Variants in NKAIN3 observed in about 807,000 individuals in gnomAD.
NKAIN3 encodes the protein sodium/potassium-transporting ATPase subunit beta-1-interacting protein 3.
Under a neutral mutation model 30.2 loss-of-function variants are expected in NKAIN3, and 25 were observed. The observed-to-expected ratio is 0.83, with a 90% confidence interval of 0.60 to 1.16. The LOEUF is 1.16. NKAIN3 is among the 50% of genes most tolerant of loss of function. The probability of loss-of-function intolerance (pLI) is 0.00; values close to 1 mark genes in which losing one functional copy is unlikely to be tolerated. For missense variants in NKAIN3, 225 were observed against 254.1 expected (o/e 0.89, Z 0.78); for synonymous variants, 91 against 89.6 (o/e 1.02, Z -0.09).
At chr8:62,728,701 A>G (rs907474239) in intron 3 of NKAIN3, among the ~76,000 whole-genome samples, 5 of 150,528 alleles carry the variant, frequency 3.3e-5, no homozygotes, top group Non-Finnish European at 5.9e-5. Context: ...AAAACAAAAA[A>G]TACTCCTGGC....
intron 1 of NKAIN3, among the ~76,000 whole-genome samples, chr8:62,369,973 T>C (rs768695683): frequency 1.3e-5 from 2 of 152,076 alleles, no homozygotes; most frequent in African/African-American, 2.4e-5. Context: ...GTACAGTAGT[T>C]CCATGGCAAC....
intron 1 of NKAIN3, among the ~76,000 whole-genome samples, chr8:62,379,723 A>G (rs1480440483): frequency 1.3e-5 from 2 of 152,120 alleles, no homozygotes; most frequent in African/African-American, 4.8e-5. Context: ...AATCAATTCA[A>G]CCTGTTTTCT....
At chr8:62,685,837 A>G (rs1182846402) in intron 3 of NKAIN3, among the ~76,000 whole-genome samples, 1 of 152,242 alleles carries the variant, frequency 6.6e-6, no homozygotes, top group Non-Finnish European at 1.5e-5. Flanking sequence ...GATAATTGGC[A>G]GATAATTTAG....
chr8:62,868,791 C>A (rs1456889570), intron 4 of NKAIN3, among the ~76,000 whole-genome samples: 1 of 152,158 alleles, frequency 6.6e-6, no homozygotes, highest in Non-Finnish European at 1.5e-5. Context: ...GGGCTGTCAT[C>A]GGAGGCCCTG....
chr8:62,810,638 G>GTTTTT (rs3032376), intron 4 of NKAIN3, among the ~76,000 whole-genome samples: 12 of 120,176 alleles, frequency 1.0e-4, no homozygotes, highest in African/African-American at 3.5e-4. Flanking sequence ...TAGGTAGAAA[G>GTTTTT]TTTTTTTTTT....
At chr8:62,423,405 A>G (rs1236882904) in intron 1 of NKAIN3, among the ~76,000 whole-genome samples, 1 of 149,996 alleles carries the variant, frequency 6.7e-6, no homozygotes, top group Admixed American at 6.7e-5. Flanking sequence ...GGTCATCTCT[A>G]TGTATATATA....
At chr8:62,807,191 C>T (rs1277834816) in intron 4 of NKAIN3, among the ~76,000 whole-genome samples, 1 of 152,168 alleles carries the variant, frequency 6.6e-6, no homozygotes, top group East Asian at 1.9e-4. Context: ...GAAAATACAA[C>T]ATATACCCTT....
At chr8:62,253,191 A>T (rs1408622252) in intron 1 of NKAIN3, among the ~76,000 whole-genome samples, 1 of 152,022 alleles carries the variant, frequency 6.6e-6, no homozygotes, top group Non-Finnish European at 1.5e-5. Context: ...AAAACTCAAA[A>T]CTCTCACCAG....
chr8:62,420,531 A>G (rs1270584590), intron 1 of NKAIN3, among the ~76,000 whole-genome samples: 1 of 152,158 alleles, frequency 6.6e-6, no homozygotes, highest in Admixed American at 6.6e-5. Flanking sequence ...GGCTGTAAGC[A>G]TATCAACAAA....
chr8:62,674,065 T>G (rs1470730335), intron 3 of NKAIN3, among the ~76,000 whole-genome samples: 1 of 152,196 alleles, frequency 6.6e-6, no homozygotes, highest in Non-Finnish European at 1.5e-5. Context: ...CGATGTTACT[T>G]TGTTGTGAAG....
intron 4 of NKAIN3, among the ~76,000 whole-genome samples, chr8:62,818,229 G>A (rs969879193): frequency 2.0e-5 from 3 of 152,256 alleles, no homozygotes; most frequent in African/African-American, 7.2e-5. Context: ...TATATATGAT[G>A]TTGCAGAGGG....
At chr8:62,842,002 A>G (rs1471446706) in intron 4 of NKAIN3, among the ~76,000 whole-genome samples, 3 of 152,068 alleles carry the variant, frequency 2.0e-5, no homozygotes, top group East Asian at 1.9e-4. Context: ...AAGCCATTCT[A>G]TTGGGTATAA....
At chr8:62,439,729 A>G (rs1039837166) in intron 1 of NKAIN3, among the ~76,000 whole-genome samples, 28 of 152,326 alleles carry the variant, frequency 1.8e-4, no homozygotes, top group African/African-American at 6.5e-4. Context: ...CTCTTTTCAC[A>G]GTTTCCTCTG....
At chr8:62,831,766 AGAG>A (rs1819204439) in intron 4 of NKAIN3, among the ~76,000 whole-genome samples, 1 of 152,160 alleles carries the variant, frequency 6.6e-6, no homozygotes, top group South Asian at 2.1e-4. Flanking sequence ...AATTCCTGAG[AGAG>A]GAGAATAACT....
chr8:62,520,024 A>T (rs936298797), intron 1 of NKAIN3, among the ~76,000 whole-genome samples: 1 of 152,154 alleles, frequency 6.6e-6, no homozygotes, highest in African/African-American at 2.4e-5. Flanking sequence ...CATACACAAA[A>T]TCTGAAACAA....
At chr8:62,689,825 G>T (rs1396129913) in intron 3 of NKAIN3, among the ~76,000 whole-genome samples, 2 of 151,892 alleles carry the variant, frequency 1.3e-5, no homozygotes, top group African/African-American at 2.4e-5. Context: ...TCCCAATAAA[G>T]AAATTGACAA....
At chr8:62,400,241 C>T (rs1427355399) in intron 1 of NKAIN3, among the ~76,000 whole-genome samples, 1 of 147,008 alleles carries the variant, frequency 6.8e-6, no homozygotes. Flanking sequence ...TCTCAGCTCT[C>T]AGCAACCTCT....
At chr8:62,522,496 AG>A (rs1808188542) in intron 1 of NKAIN3, among the ~76,000 whole-genome samples, 1 of 152,024 alleles carries the variant, frequency 6.6e-6, no homozygotes, top group Non-Finnish European at 1.5e-5. Flanking sequence ...AAACAGCCTC[AG>A]GCAGGTCCTT....
intron 6 of NKAIN3, among the ~76,000 whole-genome samples, chr8:62,954,646 A>G (rs1823373611): frequency 6.6e-6 from 1 of 152,198 alleles, no homozygotes. Context: ...ATGGAAATAG[A>G]TAGGGTGACT....
Sources: allele counts gnomAD v4.1 joint callset (sites outside exome capture counted in the v4.1 genomes callset), GRCh38; gene constraint gnomAD v4.1.1; transcripts MANE v1.5; gene names NCBI Gene and HGNC (gene_info 2026-07-23, HGNC 2026-07-21).